Variants in PGM5 observed in about 807,000 individuals in gnomAD.
The protein encoded by PGM5 is phosphoglucomutase 5.
Under a neutral mutation model 59.2 loss-of-function variants are expected in PGM5, and 23 were observed. The observed-to-expected ratio is 0.39, with a 90% CI of 0.28 to 0.55. The LOEUF (loss-of-function observed/expected upper bound fraction) is 0.55, where lower values mean the gene tolerates loss of function less well. PGM5 is among the 20% of genes least tolerant of loss of function. The probability of loss-of-function intolerance (pLI) is 0.66; values close to 1 mark genes in which losing one functional copy is unlikely to be tolerated. For missense variants in PGM5, 574 were observed against 748.3 expected (o/e 0.77, Z 2.72); for synonymous variants, 214 against 286.0 (o/e 0.75, Z 2.54).
intron 10 of PGM5, among the ~76,000 whole-genome samples, chr9:68,529,164 C>CGTGTGTGTGT (rs3223716): frequency 0.011 from 1,457 of 131,918 alleles, 20 homozygotes; most frequent in Middle Eastern, 0.016. Flanking sequence ...CTTTTATTCT[C>CGTGTGTGTGT]GTGTGTGTGT....
At chr9:68,392,949 G>T (rs1326179709) in intron 6 of PGM5, among the ~76,000 whole-genome samples, 2 of 152,108 alleles carry the variant, frequency 1.3e-5, no homozygotes, top group African/African-American at 4.8e-5. Flanking sequence ...AGCCTTATTA[G>T]CACTGTACAA....
At chr9:68,441,890 A>G (rs1216395895) in intron 6 of PGM5, among the ~76,000 whole-genome samples, 2 of 152,220 alleles carry the variant, frequency 1.3e-5, no homozygotes, top group African/African-American at 2.4e-5. Context: ...ATACAAAATC[A>G]ATACTCAGAA....
intron 6 of PGM5, among the ~76,000 whole-genome samples, chr9:68,401,077 G>T (rs144464109): frequency 0.015 from 1,808 of 119,206 alleles, 27 homozygotes; most frequent in African/African-American, 0.054. Context: ...GTGATCTCAG[G>T]CCTGTAGTTG....
At position 68,376,785 on chromosome 9, in the gene PGM5, CTTTCTTTCTTTCTTTCTTTCT is replaced by C. The variant is rs1359992436; in HGVS notation, c.262-1411_262-1391del. Among the ~76,000 whole-genome samples, 24 of 96,722 alleles carry C rather than the reference CTTTCTTTCTTTCTTTCTTTCT, an allele frequency of 2.5e-4. 1 individual carries two copies. The highest frequency in any genetic ancestry group is 3.8e-4 in the Non-Finnish European group (18 of 47,104). 63.5% of individuals were successfully genotyped at this position (96,722 alleles called of 152,430 possible). On this transcript the variant is annotated intron_variant, in intron 1 of 10. Transcript: ENST00000396396. ...TCTGCATTTCTTTCTTTCTTTCTTT[CTTTCTTTCTTTCTTTCTTTCT>C]TTCTTTCTTTCTTTCTTTCTTTCTT...
chr9:68,502,601 C>T (rs1364646129), intron 10 of PGM5, among the ~76,000 whole-genome samples: 5 of 152,206 alleles, frequency 3.3e-5, no homozygotes, highest in African/African-American at 1.2e-4. Context: ...AGAATACAGT[C>T]ACACCCGATC....
intron 1 of PGM5, among the ~76,000 whole-genome samples, chr9:68,374,958 G>A (rs1311536126): frequency 6.6e-6 from 1 of 151,862 alleles, no homozygotes; most frequent in African/African-American, 2.4e-5. Context: ...CTGGCTTGGG[G>A]ACTCACATGA....
chr9:68,423,645 C>G (rs1301170341), intron 6 of PGM5, among the ~76,000 whole-genome samples: 1 of 104,966 alleles, frequency 9.5e-6, no homozygotes, highest in Non-Finnish European at 2.1e-5. Context: ...CTCTCTCTCT[C>G]TCTCTCTCTG....
At chr9:68,476,769 C>T (rs1824112365) in intron 7 of PGM5, among the ~76,000 whole-genome samples, 1 of 152,182 alleles carries the variant, frequency 6.6e-6, no homozygotes, top group Non-Finnish European at 1.5e-5. Context: ...ATTTACTATG[C>T]AATTGGCTAC....
chr9:68,417,227 G>T (rs1209237946), intron 6 of PGM5, among the ~76,000 whole-genome samples: 1 of 152,182 alleles, frequency 6.6e-6, no homozygotes, highest in Non-Finnish European at 1.5e-5. Context: ...CATGAAACAG[G>T]GTTTCCTTGT....
chr9:68,363,727 G>A (rs1834625700), intron 1 of PGM5, among the ~76,000 whole-genome samples: 2 of 152,306 alleles, frequency 1.3e-5, no homozygotes, highest in Admixed American at 1.3e-4. Context: ...TGGTTGAGGG[G>A]CCTTGGAATT....
intron 6 of PGM5, among the ~76,000 whole-genome samples, chr9:68,449,668 C>T (rs1264836793): frequency 6.6e-6 from 1 of 152,180 alleles, no homozygotes; most frequent in Non-Finnish European, 1.5e-5. Context: ...TGTAGAAAAG[C>T]AGTGACTTAC....
intron 10 of PGM5, among the ~76,000 whole-genome samples, chr9:68,501,362 TAAAAG>T (rs1409737763): frequency 6.6e-6 from 1 of 152,230 alleles, no homozygotes; most frequent in Non-Finnish European, 1.5e-5. Context: ...AGTAAGATTT[TAAAAG>T]AAATCTAACC....
At chr9:68,406,575 A>T (rs1822813787) in intron 6 of PGM5, 1 of 148,252 alleles carries the variant, frequency 6.7e-6, no homozygotes, top group Non-Finnish European at 1.5e-5. Context: ...ATACTGCCAC[A>T]CTAGGGATGA....
At chr9:68,463,243 C>T (rs1823884959) in intron 6 of PGM5, among the ~76,000 whole-genome samples, 1 of 151,372 alleles carries the variant, frequency 6.6e-6, no homozygotes. Context: ...TACTATGCGG[C>T]GTATTTTATC....
intron 10 of PGM5, among the ~76,000 whole-genome samples, chr9:68,522,747 T>G (rs1824918138): frequency 6.6e-6 from 1 of 152,204 alleles, no homozygotes. Context: ...TGTCCAAATC[T>G]CAGAGACTAG....
chr9:68,485,952 G>A lies in PGM5; in HGVS notation c.1479+1904G>A, dbSNP rs145803495. On this transcript the variant is annotated intron_variant, in intron 9 of 10. Transcript: ENST00000396396. Reference sequence around the variant, plus strand: ...AGTTACAGATGGTTCCTTTGCTGCCGTTGGTCCTGTTGGGTAGAGGTGGAA... The same window carrying A: ...AGTTACAGATGGTTCCTTTGCTGCCATTGGTCCTGTTGGGTAGAGGTGGAA... Among the ~76,000 whole-genome samples the A allele has an allele frequency of 7.9e-3, 1,196 of 152,220 alleles. 10 individuals carry two copies. Among genetic ancestry groups the A allele is most frequent in the Non-Finnish European group, 9.5e-3 (648 of 68,012 alleles).
intron 9 of PGM5, 79 bp from the exon 10 acceptor site, chr9:68,499,148 A>G (rs1824528675): frequency 6.7e-7 from 1 of 1,483,998 alleles, no homozygotes; most frequent in Non-Finnish European, 9.3e-7. Flanking sequence ...AAACATGCTG[A>G]TTTCTGTGGC....
At chr9:68,442,744 GT>G in intron 6 of PGM5, among the ~76,000 whole-genome samples, 1 of 152,300 alleles carries the variant, frequency 6.6e-6, no homozygotes, top group Non-Finnish European at 1.5e-5. Context: ...TATATAAAAT[GT>G]TTTAACAGAT....
At chr9:68,518,707 T>C (rs1181130711) in intron 10 of PGM5, among the ~76,000 whole-genome samples, 1 of 152,238 alleles carries the variant, frequency 6.6e-6, no homozygotes, top group African/African-American at 2.4e-5. Flanking sequence ...TTAGTCCTTA[T>C]GATTTGCAGA....
Sources: gnomAD v4.1 joint callset for allele counts (sites outside exome capture counted in the v4.1 genomes callset) on GRCh38, gnomAD v4.1.1 for gene constraint, MANE v1.5 for transcripts, NCBI Gene and HGNC (gene_info 2026-07-23, HGNC 2026-07-21) for gene names.